The following FAM135B variants were observed in gnomAD, a reference collection of about 807,000 sequenced individuals.
The protein encoded by FAM135B is family with sequence similarity 135 member B.
Under a neutral mutation model 127.7 loss-of-function variants are expected in FAM135B, and 43 were observed. The observed-to-expected ratio is 0.34, with a 90% CI of 0.26 to 0.43. The LOEUF is 0.43. Among genes scored for constraint, FAM135B ranks in the 20% least tolerant of loss-of-function variants. FAM135B has a pLI of 1.00. For missense variants in FAM135B, 1,558 were observed against 1,725.6 expected (o/e 0.90, Z 1.72); for synonymous variants, 670 against 665.1 (o/e 1.01, Z -0.11).
Position 138,243,746 on chromosome 8 carries a change from T to C in FAM135B, c.543-678A>G, listed in dbSNP as rs1472019450. Among the ~76,000 whole-genome samples, 2 of 152,226 alleles carry C rather than the reference T, an allele frequency of 1.3e-5. No homozygotes were observed. The highest frequency in any genetic ancestry group is 6.5e-5 in the Admixed American group (1 of 15,280). The stretch of plus-strand genomic sequence containing the variant: ...GTGTGATTATTCAAATTTATCATAT[T>C]TGAGTTTATGATCATCTTCCTCTAT... On this transcript the variant is annotated intron_variant, in intron 6 of 19. Transcript: ENST00000395297. This position sits in a 1 kb window ranked among gnomAD's most constrained non-coding sequence, Gnocchi z 7.5.
At chr8:138,288,429 T>G (rs1285864966) in intron 3 of FAM135B, among the ~76,000 whole-genome samples, 1 of 152,172 alleles carries the variant, frequency 6.6e-6, no homozygotes, top group African/African-American at 2.4e-5. Flanking sequence ...GGGCAAGGTT[T>G]CAGAGCTAGG....
intron 7 of FAM135B, among the ~76,000 whole-genome samples, chr8:138,209,150 C>G (rs1164711215): frequency 6.6e-6 from 1 of 152,106 alleles, no homozygotes; most frequent in Non-Finnish European, 1.5e-5. Flanking sequence ...GTGCCCATCA[C>G]TGCGGTGAAC....
At chr8:138,477,133 T>A (rs1029059055) in intron 1 of FAM135B, among the ~76,000 whole-genome samples, 4 of 152,220 alleles carry the variant, frequency 2.6e-5, no homozygotes, top group African/African-American at 9.6e-5. Flanking sequence ...CTCTTGCTAA[T>A]GAGGAACACC....
chr8:138,323,004 C>A (rs374894245), intron 2 of FAM135B, among the ~76,000 whole-genome samples: 1 of 152,186 alleles, frequency 6.6e-6, no homozygotes, highest in South Asian at 2.1e-4. Flanking sequence ...TGACAGTATG[C>A]GCCCACCACT....
chr8:138,243,800 T>C lies in FAM135B; in HGVS notation c.543-732A>G, dbSNP rs1821059487. ...TACCTGTTTGATTTTCATCAATTGATATACCAGTAATGTTCACTTATACTC... is the reference window on the plus strand; with the variant it reads ...TACCTGTTTGATTTTCATCAATTGACATACCAGTAATGTTCACTTATACTC... On this transcript the variant is annotated intron_variant, in intron 6 of 19. Transcript: ENST00000395297. This position sits in a 1 kb window ranked among gnomAD's most constrained non-coding sequence, Gnocchi z 7.5. Among the ~76,000 whole-genome samples, 1 of 152,268 alleles carries C rather than the reference T, an allele frequency of 6.6e-6. No individual in the cohort carries two copies. The highest frequency in any genetic ancestry group is 2.1e-4 in the South Asian group (1 of 4,834).
intron 1 of FAM135B, among the ~76,000 whole-genome samples, chr8:138,453,530 A>C (rs1042386146): frequency 6.6e-6 from 1 of 152,050 alleles, no homozygotes. Flanking sequence ...AAACAAAAAG[A>C]AGCTTTCTCT....
intron 1 of FAM135B, among the ~76,000 whole-genome samples, chr8:138,488,192 C>T (rs566831181): frequency 9.6e-4 from 146 of 152,156 alleles, no homozygotes; most frequent in African/African-American, 3.3e-3. Flanking sequence ...ACTTTTTAAA[C>T]GTAAAAGTAT....
intron 3 of FAM135B, among the ~76,000 whole-genome samples, chr8:138,267,276 C>T (rs952042253): frequency 6.6e-6 from 1 of 152,164 alleles, no homozygotes; most frequent in African/African-American, 2.4e-5. Context: ...AAAGGACCCT[C>T]ACCAGAACCT....
intron 1 of FAM135B, among the ~76,000 whole-genome samples, chr8:138,404,067 T>C (rs1414635098): frequency 6.6e-6 from 1 of 152,084 alleles, no homozygotes; most frequent in African/African-American, 2.4e-5. Context: ...TTTTCTTATA[T>C]TCAATTATAG....
intron 4 of FAM135B, among the ~76,000 whole-genome samples, chr8:138,263,254 G>A (rs1023804665): frequency 1.3e-5 from 2 of 152,160 alleles, no homozygotes; most frequent in Admixed American, 1.3e-4. Context: ...GTCCGTACCC[G>A]TGGCTATCAA....
At chr8:138,226,180 T>TGCGCGC (rs1281639798) in intron 7 of FAM135B, among the ~76,000 whole-genome samples, 48 of 128,082 alleles carry the variant, frequency 3.7e-4, no homozygotes, top group African/African-American at 1.4e-3. Context: ...TGTGTGTGTG[T>TGCGCGC]GTGTGCGCGC....
At chr8:138,316,708 T>C (rs967014673) in intron 2 of FAM135B, among the ~76,000 whole-genome samples, 1 of 150,384 alleles carries the variant, frequency 6.6e-6, no homozygotes, top group Non-Finnish European at 1.5e-5. Flanking sequence ...CGGCCGGGCG[T>C]GGTGGCTCAC....
chr8:138,431,764 C>T (rs573982226), intron 1 of FAM135B, among the ~76,000 whole-genome samples: 2 of 152,290 alleles, frequency 1.3e-5, no homozygotes, highest in African/African-American at 4.8e-5. Flanking sequence ...CGCATCTTTC[C>T]ATTCTGTGGC....
chr8:138,349,332 G>A (rs1829631463), intron 2 of FAM135B, among the ~76,000 whole-genome samples: 1 of 152,162 alleles, frequency 6.6e-6, no homozygotes, highest in Non-Finnish European at 1.5e-5. Flanking sequence ...AGACAGACTT[G>A]GAACAGGATC....
intron 11 of FAM135B, among the ~76,000 whole-genome samples, chr8:138,175,490 C>T (rs1814367349): frequency 1.3e-5 from 2 of 152,192 alleles, no homozygotes; most frequent in African/African-American, 4.8e-5. Flanking sequence ...CTAAAACAGA[C>T]TTTCTCTTCT....
At chr8:138,218,766 C>CACACAGAGAG (rs1469155017) in intron 7 of FAM135B, among the ~76,000 whole-genome samples, 6 of 80,490 alleles carry the variant, frequency 7.5e-5, no homozygotes, top group African/African-American at 2.4e-4. Context: ...CACACACACA[C>CACACAGAGAG]AGAGAGAGAG....
intron 7 of FAM135B, among the ~76,000 whole-genome samples, chr8:138,215,114 A>G (rs577632076): frequency 6.6e-6 from 1 of 152,320 alleles, no homozygotes; most frequent in South Asian, 2.1e-4. Flanking sequence ...GATGGACATG[A>G]TTAAATATCT....
chr8:138,207,775 A>G (rs889236262), intron 7 of FAM135B, among the ~76,000 whole-genome samples: 3 of 152,140 alleles, frequency 2.0e-5, no homozygotes, highest in African/African-American at 7.2e-5. Context: ...TGAGTTTTGA[A>G]TAAGAAACAG....
intron 2 of FAM135B, among the ~76,000 whole-genome samples, chr8:138,325,844 A>C (rs1827768347): frequency 6.6e-6 from 1 of 152,226 alleles, no homozygotes; most frequent in Admixed American, 6.5e-5. Context: ...TTTGCAAATG[A>C]AGATTTCAGT....
Sources: allele counts gnomAD v4.1 joint callset (sites outside exome capture counted in the v4.1 genomes callset), GRCh38; gene constraint gnomAD v4.1.1; non-coding constraint Gnocchi (gnomAD v3.1); transcripts MANE v1.5; gene names NCBI Gene and HGNC (gene_info 2026-07-23, HGNC 2026-07-21).